The following CCDC77 variants were observed in gnomAD, a reference collection of about 807,000 sequenced individuals.
CCDC77 encodes coiled-coil domain containing 77.
CCDC77 carries 56 observed loss-of-function variants against 66.8 expected under a neutral mutation model. The ratio of observed to expected loss-of-function variants is 0.84; its 90% CI spans 0.68 to 1.05. The LOEUF (loss-of-function observed/expected upper bound fraction) is 1.05, where lower values mean the gene tolerates loss of function less well. Among genes scored for constraint, CCDC77 ranks in the 50% least tolerant of loss-of-function variants. CCDC77 has a pLI of 0.00. For synonymous variants in CCDC77, 196 were observed against 195.2 expected, an observed-to-expected ratio of 1.00 and a Z score of -0.03; for missense variants, 570 against 576.8, an observed-to-expected ratio of 0.99 and a Z score of 0.12.
At chr12:400,974 A>G (rs554444175), upstream of CCDC77, among the ~76,000 whole-genome samples, 1 of 152,318 alleles carries the variant, frequency 6.6e-6, no homozygotes, top group African/African-American at 2.4e-5. Flanking sequence ...ACACCAGCGA[A>G]GGGCCCCAGC....
intron 9 of CCDC77, among the ~76,000 whole-genome samples, chr12:435,326 A>G (rs1723421696): frequency 6.6e-6 from 1 of 151,594 alleles, no homozygotes; most frequent in South Asian, 2.1e-4. Flanking sequence ...TCCGTTTCCA[A>G]ATGCTCCCAT....
At chr12:407,597 T>A (rs1010449331) in intron 2 of CCDC77, among the ~76,000 whole-genome samples, 3 of 151,778 alleles carry the variant, frequency 2.0e-5, no homozygotes, top group Admixed American at 1.3e-4. Context: ...AGGCAATGAG[T>A]AATGACCAGT....
At chr12:428,261 C>G (rs1381769345) in intron 5 of CCDC77, among the ~76,000 whole-genome samples, 1 of 152,102 alleles carries the variant, frequency 6.6e-6, no homozygotes, top group Non-Finnish European at 1.5e-5. Context: ...GCCTGTAATC[C>G]CAGCACTTTG....
intron 5 of CCDC77, among the ~76,000 whole-genome samples, chr12:426,997 G>T (rs1432205308): frequency 2.0e-5 from 3 of 152,144 alleles, no homozygotes; most frequent in Non-Finnish European, 2.9e-5. Flanking sequence ...GGTAATCCCA[G>T]CACTTTGGGG....
chr12:417,356 C>G (rs1945305887), intron 4 of CCDC77, among the ~76,000 whole-genome samples: 1 of 152,144 alleles, frequency 6.6e-6, no homozygotes, highest in East Asian at 1.9e-4. Context: ...GCTTCTCTCT[C>G]TACCCATCTT....
chr12:418,323 A>G (rs981510525), intron 4 of CCDC77, among the ~76,000 whole-genome samples, 171 bp from the exon 5 acceptor site: 2 of 152,202 alleles, frequency 1.3e-5, no homozygotes, highest in African/African-American at 4.8e-5. Flanking sequence ...AATAAATAAA[A>G]AAACAAACAA....
chr12:423,308 A>ATAT (rs1555145531), intron 5 of CCDC77, among the ~76,000 whole-genome samples: 3,436 of 130,602 alleles, frequency 0.026, 61 homozygotes, highest in Non-Finnish European at 0.034. Context: ...ATATATATAT[A>ATAT]TTTTTTTTTT....
intron 9 of CCDC77, among the ~76,000 whole-genome samples, chr12:437,508 T>G (rs564925619): frequency 6.6e-6 from 1 of 152,256 alleles, no homozygotes; most frequent in South Asian, 2.1e-4. Context: ...TAAAATAGGC[T>G]AAAGTTGTTG....
Position 438,401 on chromosome 12 carries a change from C to T in CCDC77, c.888C>T (p.Asn296=). 6.2e-7 allele frequency: 1 copy of T among 1,613,882 alleles called. No homozygotes were observed. Among genetic ancestry groups the T allele is most frequent in the South Asian group, 1.1e-5 (1 of 91,058 alleles). ...TKDFLQLRSE[N]QNKEKSWMLE... ...ATTTTCTGCAACTCAGATCTGAAAA[C>T]CAAAATAAAGAGAAGTCATGGATGC... Residue 296 remains asparagine (N), a synonymous_variant, in exon 10 of 13, where the codon AAC becomes AAT. Transcript: ENST00000239830.
Position 428,800 on chromosome 12 carries a change from C to T in CCDC77, c.445C>T (p.Leu149Phe). Residue 149 changes from leucine (L) to phenylalanine (F), a missense_variant, in exon 6 of 13, where the codon CTC (leucine) becomes TTC (phenylalanine). By Grantham distance (22) the Leu-to-Phe change is conservative. Coordinates refer to ENST00000239830, the MANE Select transcript of CCDC77 (RefSeq NM_032358.4). Reference sequence around the variant, plus strand: ...AGAAGACAAGAAAAAGATTCAGAATCTCTTGGCTCTTGTGGGAACAGATGC... The same window carrying T: ...AGAAGACAAGAAAAAGATTCAGAATTTCTTGGCTCTTGTGGGAACAGATGC... ...ELEDKKKIQN[L>F]LALVGTDAGE... The T allele has an allele frequency of 6.2e-7, 1 of 1,612,428 alleles. No homozygotes were observed. Among genetic ancestry groups the T allele is most frequent in the Non-Finnish European group, 8.5e-7 (1 of 1,179,276 alleles).
chr12:434,003 C>A (rs1201890887), intron 9 of CCDC77, among the ~76,000 whole-genome samples: 1 of 151,978 alleles, frequency 6.6e-6, no homozygotes, highest in Non-Finnish European at 1.5e-5. Flanking sequence ...ACATACTGTA[C>A]GATCTCAAGC....
chr12:407,216 G>C (rs1334140368), intron 2 of CCDC77, among the ~76,000 whole-genome samples: 1 of 152,192 alleles, frequency 6.6e-6, no homozygotes, highest in Non-Finnish European at 1.5e-5. Context: ...TCAGATTCTA[G>C]ATATTTGGAT....
chr12:416,355 G>GTATATA lies in CCDC77; in HGVS notation c.271-2138_271-2137insATATAT, dbSNP rs1565569017. Among the ~76,000 whole-genome samples, 18 of 31,748 alleles carry GTATATA rather than the reference G, an allele frequency of 5.7e-4. 1 individual carries two copies. The highest frequency in any genetic ancestry group is 3.4e-3 in the South Asian group (2 of 592). The allele number at this position is 31,748 out of a possible 152,430, so 20.8% of individuals were successfully genotyped here. On this transcript the variant is annotated intron_variant, in intron 4 of 12. Coordinates refer to ENST00000239830, the MANE Select transcript of CCDC77 (RefSeq NM_032358.4). Reference sequence around the variant, plus strand: ...TGTGGGTGTGTGGGGGTGTGTGTGTGTGTGTGTGTGTGTGTGTGTGTGTAT... The same window carrying GTATATA: ...TGTGGGTGTGTGGGGGTGTGTGTGTGTATATATGTGTGTGTGTGTGTGTGTGTGTAT...
Position 422,235 on chromosome 12 carries a change from T to A in CCDC77, c.413+3599T>A, listed in dbSNP as rs867621295. Among the ~76,000 whole-genome samples the A allele has an allele frequency of 9.9e-3, 1,421 of 143,306 alleles. 10 individuals are homozygous for A. Among genetic ancestry groups the A allele is most frequent in the East Asian group, 0.058 (275 of 4,732 alleles). 94.0% of individuals were successfully genotyped at this position (143,306 alleles called of 152,430 possible). On this transcript the variant is annotated intron_variant, in intron 5 of 12. Transcript: ENST00000239830. ...CACACTCCATGCTCCATTACAGTGCTCTTCTGTGTGTGTGTGCTGGGAGTG... is the reference window on the plus strand; with the variant it reads ...CACACTCCATGCTCCATTACAGTGCACTTCTGTGTGTGTGTGCTGGGAGTG...
rs865960550 is a variant in CCDC77 at position 433,243 on chromosome 12, G to A, written c.742G>A (p.Glu248Lys). The change falls in exon 9 of 13, where the codon GAG becomes AAG. Residue 248 changes from glutamate to lysine, a missense_variant. Coordinates refer to ENST00000239830, the MANE Select transcript of CCDC77 (RefSeq NM_032358.4). The stretch of plus-strand genomic sequence containing the variant: ...TCGAGAACAAATTGAAGGGCTCATC[G>A]AGGACAGACGGATTCACCTTGAGGA... ...LSREQIEGLI[E>K]DRRIHLEEIQ... 3 of 1,614,046 alleles carry A rather than the reference G, an allele frequency of 1.9e-6. No homozygotes were observed. The highest frequency in any genetic ancestry group is 1.7e-5 in the Admixed American group (1 of 60,000).
intron 5 of CCDC77, among the ~76,000 whole-genome samples, chr12:424,835 A>G (rs868441431): frequency 6.6e-6 from 1 of 151,628 alleles, no homozygotes; most frequent in African/African-American, 2.4e-5. Context: ...GCATTAGGTA[A>G]GGTTCCAACT....
In CCDC77 at chr12:404,721, C is replaced by CTT. The variant is rs141950603; in HGVS notation, c.-70-773_-70-772dup. Among the ~76,000 whole-genome samples, 1,268 of 137,572 alleles carry CTT rather than the reference C, an allele frequency of 9.2e-3. 32 individuals carry two copies. The highest frequency in any genetic ancestry group is 0.03 in the African/African-American group (1,136 of 37,540). The allele number at this position is 137,572 out of a possible 152,430, so 90.3% of individuals were successfully genotyped here. The stretch of plus-strand genomic sequence containing the variant: ...AAGGGTCTTTCAAAGCTTCAAATTA[C>CTT]TTTTTTTTTTTTTTTTTTGAGACGG... On this transcript the variant is annotated intron_variant, in intron 1 of 12. Coordinates refer to ENST00000239830, the MANE Select transcript of CCDC77 (RefSeq NM_032358.4).
At chr12:391,435 A>G (rs1944754257) in intron 1 of CCDC77, among the ~76,000 whole-genome samples, 1 of 152,140 alleles carries the variant, frequency 6.6e-6, no homozygotes, top group Non-Finnish European at 1.5e-5. Flanking sequence ...AGCCTAGGCA[A>G]GAAGAGTGAG....
chr12:427,050 G>T (rs543409195), intron 5 of CCDC77, among the ~76,000 whole-genome samples: 46 of 152,198 alleles, frequency 3.0e-4, no homozygotes, highest in Non-Finnish European at 4.9e-4. Context: ...TTCAAGACCA[G>T]CCTGGCCAAC....
Sources: gnomAD v4.1 joint callset for allele counts (sites outside exome capture counted in the v4.1 genomes callset) on GRCh38, gnomAD v4.1.1 for gene constraint, MANE v1.5 for transcripts, NCBI Gene and HGNC (gene_info 2026-07-23, HGNC 2026-07-21) for gene names.